LRRC4C: variants seen among roughly 807,000 people sequenced by gnomAD.
LRRC4C encodes the protein leucine rich repeat containing 4C.
Under a neutral mutation model 33.6 loss-of-function variants are expected in LRRC4C, and 5 were observed. The observed-to-expected ratio is 0.15, with a 90% CI of 0.08 to 0.31. The LOEUF (loss-of-function observed/expected upper bound fraction) is 0.31, where lower values mean the gene tolerates loss of function less well. LRRC4C is among the 10% of genes least tolerant of loss of function. The pLI is 1.00. For missense variants in LRRC4C, 560 were observed against 796.7 expected (o/e 0.70, Z 3.58); for synonymous variants, 329 against 302.0 (o/e 1.09, Z -0.93).
intron 1 of LRRC4C, among the ~76,000 whole-genome samples, chr11:41,245,965 G>A (rs899616620): frequency 6.6e-6 from 1 of 152,030 alleles, no homozygotes; most frequent in East Asian, 1.9e-4. Flanking sequence ...TGGTCCCTGG[G>A]TGGCCATGGA....
chr11:40,877,421 G>A (rs1954958458), intron 2 of LRRC4C, among the ~76,000 whole-genome samples: 1 of 152,000 alleles, frequency 6.6e-6, no homozygotes, highest in Non-Finnish European at 1.5e-5. Context: ...AAGCATTGTT[G>A]CCTCGTTGTC....
intron 4 of LRRC4C, among the ~76,000 whole-genome samples, chr11:40,308,330 G>A (rs1945138445): frequency 6.6e-6 from 1 of 152,164 alleles, no homozygotes; most frequent in African/African-American, 2.4e-5. Context: ...TCTTCAATTT[G>A]GGAAACATGG....
At chr11:40,407,984 A>C (rs1329343525) in intron 3 of LRRC4C, among the ~76,000 whole-genome samples, 2 of 152,048 alleles carry the variant, frequency 1.3e-5, no homozygotes, top group East Asian at 3.9e-4. Flanking sequence ...GATAGATTGC[A>C]GATAATTCAT....
chr11:40,699,123 C>T (rs1458626473), intron 2 of LRRC4C, among the ~76,000 whole-genome samples: 1 of 152,148 alleles, frequency 6.6e-6, no homozygotes, highest in Non-Finnish European at 1.5e-5. Flanking sequence ...GGTATTCCTG[C>T]TATACCTAAA....
At chr11:40,533,458 C>T (rs1956350488) in intron 3 of LRRC4C, among the ~76,000 whole-genome samples, 1 of 124,992 alleles carries the variant, frequency 8.0e-6, no homozygotes, top group African/African-American at 3.1e-5. Context: ...TTTGATTTTC[C>T]TCATCTGGTC....
chr11:40,335,032 A>G (rs1034785885), intron 3 of LRRC4C, among the ~76,000 whole-genome samples: 1 of 152,172 alleles, frequency 6.6e-6, no homozygotes, highest in African/African-American at 2.4e-5. Context: ...CTAAGCAACA[A>G]TAGATTTTTC....
chr11:40,941,864 A>C (rs1958162948), intron 1 of LRRC4C, among the ~76,000 whole-genome samples: 1 of 152,168 alleles, frequency 6.6e-6, no homozygotes. Context: ...AAAATAATGA[A>C]GGCAATTATT....
intron 1 of LRRC4C, among the ~76,000 whole-genome samples, chr11:41,378,920 G>GTT (rs113076444): frequency 9.8e-5 from 14 of 143,272 alleles, no homozygotes; most frequent in Admixed American, 1.4e-4. Context: ...AGCGGGAAGA[G>GTT]TTTTTTTTTT....
At chr11:41,376,808 A>T (rs1470092407) in intron 1 of LRRC4C, among the ~76,000 whole-genome samples, 1 of 152,120 alleles carries the variant, frequency 6.6e-6, no homozygotes, top group Non-Finnish European at 1.5e-5. Context: ...GGTGATTTTA[A>T]AAATTTATAT....
At chr11:40,322,559 C>T in intron 3 of LRRC4C, among the ~76,000 whole-genome samples, 1 of 152,066 alleles carries the variant, frequency 6.6e-6, no homozygotes, top group East Asian at 1.9e-4. Flanking sequence ...AAATTCACAT[C>T]TCTAGGCTTC....
intron 2 of LRRC4C, among the ~76,000 whole-genome samples, chr11:40,781,792 T>G (rs1036768881): frequency 3.9e-5 from 6 of 152,200 alleles, no homozygotes; most frequent in Admixed American, 3.3e-4. Context: ...AATGCCAGAC[T>G]AGTGATAGCT....
chr11:41,051,556 A>G (rs1178710776), intron 1 of LRRC4C, among the ~76,000 whole-genome samples: 1 of 140,664 alleles, frequency 7.1e-6, no homozygotes, highest in African/African-American at 2.6e-5. Context: ...AAAAAAAAGG[A>G]AAAATTAGTT....
intron 1 of LRRC4C, among the ~76,000 whole-genome samples, chr11:41,042,466 C>T (rs1049006021): frequency 2.6e-5 from 4 of 152,060 alleles, no homozygotes; most frequent in Admixed American, 2.0e-4. Flanking sequence ...AAAAATGAGC[C>T]ACATGGAGAG....
chr11:40,129,284 T>C (rs1483912431), intron 6 of LRRC4C, among the ~76,000 whole-genome samples: 2 of 152,228 alleles, frequency 1.3e-5, no homozygotes, highest in Middle Eastern at 3.2e-3. Context: ...GTAGTTATTT[T>C]CATAGAAGTT....
At chr11:41,181,233 C>T (rs1221224032) in intron 1 of LRRC4C, among the ~76,000 whole-genome samples, 7 of 152,150 alleles carry the variant, frequency 4.6e-5, no homozygotes, top group Non-Finnish European at 1.0e-4. Flanking sequence ...TTCTCCCCCA[C>T]AGCCACTTAC....
chr11:40,723,767 G>T (rs572841413), intron 2 of LRRC4C, among the ~76,000 whole-genome samples: 1 of 152,024 alleles, frequency 6.6e-6, no homozygotes, highest in Non-Finnish European at 1.5e-5. Context: ...TCAATATTAA[G>T]TGTGAATGCA....
Position 40,451,366 on chromosome 11 carries a change from C to CTTTTTTTTTTTTTT in LRRC4C, c.-269-131659_-269-131646dup, listed in dbSNP as rs71060962. Among the ~76,000 whole-genome samples, 4 of 47,058 alleles carry CTTTTTTTTTTTTTT rather than the reference C, an allele frequency of 8.5e-5. 2 individuals carry two copies. Among genetic ancestry groups the CTTTTTTTTTTTTTT allele is most frequent in the African/African-American group, 1.9e-4 (2 of 10,736 alleles). The allele number at this position is 47,058 out of a possible 152,430, so 30.9% of individuals were successfully genotyped here. A position where few individuals can be genotyped will look rare whatever the true frequency, so the allele number is the denominator to read the frequency against. ...ACTATTAGCCTTACAGAAATAATGA[C>CTTTTTTTTTTTTTT]TTTTTTTTTTTTTTTTTTTTTTTTT... On this transcript the variant is annotated intron_variant, in intron 3 of 6. Transcript: ENST00000528697.
intron 4 of LRRC4C, among the ~76,000 whole-genome samples, chr11:40,299,565 A>T (rs1202629744): frequency 6.6e-6 from 1 of 152,272 alleles, no homozygotes; most frequent in Admixed American, 6.5e-5. Context: ...ATAGGAAAAG[A>T]TTCATAGTTT....
intron 3 of LRRC4C, among the ~76,000 whole-genome samples, chr11:40,532,625 T>C (rs964248068): frequency 1.3e-5 from 2 of 150,522 alleles, no homozygotes; most frequent in African/African-American, 2.5e-5. Flanking sequence ...TGAAAAACAG[T>C]AGTAGTCTTT....
Sources: gnomAD v4.1 joint callset for allele counts (sites outside exome capture counted in the v4.1 genomes callset) on GRCh38, gnomAD v4.1.1 for gene constraint, MANE v1.5 for transcripts, NCBI Gene and HGNC (gene_info 2026-07-23, HGNC 2026-07-21) for gene names.